The following RABL3 variants were observed in gnomAD, a reference collection of about 807,000 sequenced individuals.
The protein encoded by RABL3 is RAB, member of RAS oncogene family like 3, also known as rab-like protein 3.
RABL3 carries 31 observed loss-of-function variants against 31.8 expected under a neutral mutation model. The ratio of observed to expected loss-of-function variants is 0.97; its 90% CI spans 0.73 to 1.31. The LOEUF is 1.31. RABL3 is among the 40% of genes most tolerant of loss of function. The pLI, the probability that RABL3 is intolerant of heterozygous loss-of-function variation, is 0.00. For missense variants in RABL3, 263 were observed against 279.6 expected (o/e 0.94, Z 0.42); for synonymous variants, 97 against 99.9 (o/e 0.97, Z 0.18).
intron 1 of RABL3, among the ~76,000 whole-genome samples, chr3:120,734,401 G>A (rs1453612214): frequency 6.6e-6 from 1 of 152,326 alleles, no homozygotes; most frequent in African/African-American, 2.4e-5. Context: ...TTTGTATCCT[G>A]AGACTTTGCT....
intron 1 of RABL3, among the ~76,000 whole-genome samples, chr3:120,731,629 C>A (rs1708884055): frequency 6.6e-6 from 1 of 152,148 alleles, no homozygotes; most frequent in South Asian, 2.1e-4. Flanking sequence ...TCCATTATGA[C>A]AAGCATGGTT....
At chr3:120,709,133 G>C (rs1052183722) in intron 3 of RABL3, among the ~76,000 whole-genome samples, 1 of 151,786 alleles carries the variant, frequency 6.6e-6, no homozygotes, top group Non-Finnish European at 1.5e-5. Flanking sequence ...TTTTAAAAAT[G>C]AATTTTTAAA....
rs572479673 is a variant in RABL3 at position 120,723,962 on chromosome 3, G to A, written c.138+6734C>T. On this transcript the variant is annotated intron_variant, in intron 2 of 7. Transcript: ENST00000273375. Reference sequence around the variant, plus strand: ...AGTTCTGGCCAGGGCAATCAGGCAGGAGAAGGAAATAAAGGGTATTCAATT... The same window carrying A: ...AGTTCTGGCCAGGGCAATCAGGCAGAAGAAGGAAATAAAGGGTATTCAATT... Among the ~76,000 whole-genome samples, 1,404 of 152,184 alleles carry A rather than the reference G, an allele frequency of 9.2e-3. 22 individuals carry two copies. The highest frequency in any genetic ancestry group is 0.032 in the African/African-American group (1,340 of 41,506).
chr3:120,702,474 C>T (rs1708502951), intron 4 of RABL3, among the ~76,000 whole-genome samples: 1 of 152,172 alleles, frequency 6.6e-6, no homozygotes, highest in Admixed American at 6.5e-5. Flanking sequence ...TGCCACTCAC[C>T]TCCCACTGTG....
At chr3:120,713,551 A>G (rs1385500835) in intron 2 of RABL3, among the ~76,000 whole-genome samples, 1 of 152,190 alleles carries the variant, frequency 6.6e-6, no homozygotes, top group East Asian at 1.9e-4. Flanking sequence ...TGTGTTTTAT[A>G]TTTAAAGCAG....
intron 5 of RABL3, among the ~76,000 whole-genome samples, chr3:120,695,418 C>T (rs1049560806): frequency 2.0e-5 from 3 of 152,058 alleles, no homozygotes; most frequent in African/African-American, 7.2e-5. Flanking sequence ...GGTTAGGGTA[C>T]TAAACCTTTA....
At chr3:120,695,309 G>C (rs544248306) in intron 5 of RABL3, among the ~76,000 whole-genome samples, 3 of 152,038 alleles carry the variant, frequency 2.0e-5, no homozygotes, top group African/African-American at 4.8e-5. Flanking sequence ...CTACAACAAA[G>C]TTGTCAAAGA....
At position 120,685,700 on chromosome 3, in the gene RABL3, T is replaced by A. The variant is rs1444623063; in HGVS notation, c.*4123A>T. ...TGAGGCAGTCAAAGATGCGCTTTGA[T>A]GAATTCTGCTATAATGGCACTCATA... is the stretch of plus-strand genomic sequence containing the variant. On this transcript the variant is annotated 3_prime_UTR_variant, in exon 8 of 8. Transcript: ENST00000273375. Among the ~76,000 whole-genome samples, 1 of 152,226 alleles carries A rather than the reference T, an allele frequency of 6.6e-6. No homozygotes were observed. Among genetic ancestry groups the A allele is most frequent in the Non-Finnish European group, 1.5e-5 (1 of 68,042 alleles).
intron 3 of RABL3, among the ~76,000 whole-genome samples, chr3:120,708,768 CTTTG>C (rs1012070620): frequency 4.2e-5 from 6 of 143,320 alleles, no homozygotes; most frequent in African/African-American, 1.6e-4. Context: ...TTTATGAATG[CTTTG>C]TTTCTTTATT....
intron 3 of RABL3, among the ~76,000 whole-genome samples, chr3:120,707,430 A>T (rs989905570): frequency 6.6e-6 from 1 of 152,222 alleles, no homozygotes; most frequent in Non-Finnish European, 1.5e-5. Flanking sequence ...AATGTACTAA[A>T]TATTGTGCTT....
chr3:120,694,301 G>A, intron 5 of RABL3, 77 bp from the exon 6 acceptor site: 1 of 932,536 alleles, frequency 1.1e-6, no homozygotes, highest in Non-Finnish European at 1.7e-6. Flanking sequence ...TTATCCTGTT[G>A]CATATTTCTG....
chr3:120,718,607 C>T (rs1304474506), intron 2 of RABL3, among the ~76,000 whole-genome samples: 7 of 152,186 alleles, frequency 4.6e-5, no homozygotes, highest in African/African-American at 1.7e-4. Context: ...GCTTGGGCAC[C>T]AATCAACTCT....
At chr3:120,728,959 A>T (rs1708852938) in intron 2 of RABL3, among the ~76,000 whole-genome samples, 1 of 152,322 alleles carries the variant, frequency 6.6e-6, no homozygotes, top group African/African-American at 2.4e-5. Flanking sequence ...TGGTGCCTGG[A>T]GTCTTAATGC....
At chr3:120,739,755 T>C (rs1709019746) in intron 1 of RABL3, among the ~76,000 whole-genome samples, 1 of 152,202 alleles carries the variant, frequency 6.6e-6, no homozygotes, top group African/African-American at 2.4e-5. Context: ...TGATTCTGTA[T>C]TTGTAAATAG....
At chr3:120,726,781 CAAT>C (rs1292665864) in intron 2 of RABL3, among the ~76,000 whole-genome samples, 1 of 151,326 alleles carries the variant, frequency 6.6e-6, no homozygotes. Context: ...ATAAATAAAA[CAAT>C]AAAAAAAACT....
chr3:120,740,900 T>C (rs1250700421), intron 1 of RABL3, among the ~76,000 whole-genome samples: 1 of 152,240 alleles, frequency 6.6e-6, no homozygotes, highest in Non-Finnish European at 1.5e-5. Flanking sequence ...ATCAATTGCC[T>C]GATTACTTTT....
rs1373748447 is a variant in RABL3 at position 120,709,849 on chromosome 3, C to T, written c.199G>A (p.Val67Ile). The part of the protein sequence containing the change: ...EKTYYIELWD[V>I]GGSVGSASSV... ...CTGGCACTGCCCACAGAGCCTCCAACATCCCATAATTCTATGTAGTAGGTC... is the reference window on the plus strand; with the variant it reads ...CTGGCACTGCCCACAGAGCCTCCAATATCCCATAATTCTATGTAGTAGGTC... Residue 67 changes from valine (V) to isoleucine (I), a missense_variant, in exon 3 of 8, where the codon GTT becomes ATT. By Grantham distance (29) the Val-to-Ile change is conservative (BLOSUM62 3). Transcript: ENST00000273375. 8.1e-6 allele frequency: 13 copies of T among 1,611,598 alleles called. No homozygotes were observed. Among genetic ancestry groups the T allele is most frequent in the East Asian group, 2.2e-5 (1 of 44,868 alleles).
chr3:120,692,139 A>G (rs1001246706), intron 6 of RABL3, among the ~76,000 whole-genome samples: 22 of 152,172 alleles, frequency 1.4e-4, no homozygotes, highest in African/African-American at 4.6e-4. Context: ...GAGCGTGAGG[A>G]ATTACTACTA....
chr3:120,690,171 G>A (rs1708362710), intron 7 of RABL3, among the ~76,000 whole-genome samples: 1 of 152,080 alleles, frequency 6.6e-6, no homozygotes, highest in South Asian at 2.1e-4. Flanking sequence ...TATTTGTATT[G>A]TGACAGACCC....
Sources: allele counts gnomAD v4.1 joint callset (sites outside exome capture counted in the v4.1 genomes callset), GRCh38; gene constraint gnomAD v4.1.1; transcripts MANE v1.5; gene names NCBI Gene and HGNC (gene_info 2026-07-23, HGNC 2026-07-21).